MID1: variants seen among roughly 807,000 people sequenced by gnomAD.
MID1 encodes E3 ubiquitin-protein ligase Midline-1.
A neutral mutation model predicts 40.4 loss-of-function variants in MID1; 7 were observed. The observed-to-expected ratio is 0.17, with a 90% CI of 0.10 to 0.33. The LOEUF is 0.33. Among genes scored for constraint, MID1 ranks in the 10% least tolerant of loss-of-function variants. The pLI is 1.00. For synonymous variants in MID1, 229 were observed against 221.2 expected, an observed-to-expected ratio of 1.04 and a Z score of -0.31; for missense variants, 367 against 558.5, an observed-to-expected ratio of 0.66 and a Z score of 3.46.
chrX:10,687,140 C>T (rs2043104145), intron 1 of MID1, among the ~76,000 whole-genome samples: 3 of 111,915 alleles, frequency 2.7e-5, no homozygotes, highest in Admixed American at 9.5e-5. Context: ...TACATATTCT[C>T]TGCCCTGACC....
chrX:10,577,852 G>A (rs6530405), intron 1 of MID1, among the ~76,000 whole-genome samples: 1,340 of 108,168 alleles, frequency 0.012, 26 homozygotes, highest in African/African-American at 0.042. Flanking sequence ...AAAGTCCTGC[G>A]CTGCAGTTCT....
intron 6 of MID1, 43 bp from the exon 7 acceptor site, chrX:10,469,883 A>G (rs1294115134): frequency 8.7e-7 from 1 of 1,149,956 alleles, no homozygotes; most frequent in East Asian, 3.0e-5. Flanking sequence ...AGCACACACA[A>G]CTGGGATACC....
chrX:10,585,019 G>A (rs971821548), intron 1 of MID1, among the ~76,000 whole-genome samples: 9 of 110,750 alleles, frequency 8.1e-5, no homozygotes, highest in African/African-American at 2.0e-4. Context: ...TTCATGCACC[G>A]GTGGTTAGAG....
At chrX:10,690,882 T>A in intron 1 of MID1, among the ~76,000 whole-genome samples, 1 of 112,358 alleles carries the variant, frequency 8.9e-6, no homozygotes, top group East Asian at 2.8e-4. Context: ...TATTCTGAGA[T>A]TGTACCAGTT....
intron 4 of MID1, among the ~76,000 whole-genome samples, chrX:10,490,972 T>G (rs1160687787): frequency 8.9e-6 from 1 of 112,205 alleles, no homozygotes; most frequent in African/African-American, 3.2e-5. Context: ...TTTAAAAAAG[T>G]CTCTACTGTA....
intron 1 of MID1, among the ~76,000 whole-genome samples, chrX:10,723,914 G>T (rs1308928431): frequency 8.9e-6 from 1 of 112,495 alleles, no homozygotes; most frequent in Admixed American, 9.4e-5. Flanking sequence ...GTAACTTAAA[G>T]TAGCTAAAAA....
Position 10,471,452 on chromosome X carries a change from C to T in MID1, c.1142-1612G>A, listed in dbSNP as rs781214388. 7.1e-5 allele frequency among the ~76,000 whole-genome samples: 8 copies of T among 112,226 alleles called. No individual in the cohort carries two copies. In the South Asian group the frequency reaches 1.9e-3, roughly 26 times the overall value. ...CAGAAACATTGTTGAGCACCTCCAACGTGACAGGCATGGCATTAAATTGTG... is the reference window on the plus strand; with the variant it reads ...CAGAAACATTGTTGAGCACCTCCAATGTGACAGGCATGGCATTAAATTGTG... On this transcript the variant is annotated intron_variant, in intron 6 of 9. Transcript: ENST00000317552.
chrX:10,647,246 C>A (rs948270720), intron 1 of MID1, among the ~76,000 whole-genome samples: 15 of 111,816 alleles, frequency 1.3e-4, no homozygotes, highest in African/African-American at 4.2e-4. Context: ...GAAATCAGAT[C>A]TATGTCTTCC....
intron 1 of MID1, among the ~76,000 whole-genome samples, chrX:10,744,184 G>A (rs2043544328): frequency 1.8e-5 from 2 of 111,570 alleles, no homozygotes; most frequent in African/African-American, 6.5e-5. Context: ...CACTGCTGTG[G>A]GTAAAATGAA....
At position 10,683,770 on chromosome X, in the gene MID1, C is replaced by CTTTT. The variant is rs34917176; in HGVS notation, c.-186-63355_-186-63352dup. 4.6e-3 allele frequency among the ~76,000 whole-genome samples: 209 copies of CTTTT among 45,091 alleles called. 35 individuals carry two copies. The highest frequency in any genetic ancestry group is 0.013 in the African/African-American group (120 of 9,254). The allele number at this position is 45,091 out of a possible 115,157, so 39.2% of individuals were successfully genotyped here. On this transcript the variant is annotated intron_variant, in intron 1 of 10. Transcript: ENST00000380785. ...CTGCACAGAAGGAATTGCACGTCAT[C>CTTTT]TTTTTTTTTTTTTTTTTTTTTTTTT...
intron 1 of MID1, among the ~76,000 whole-genome samples, chrX:10,605,787 G>A (rs1935614176): frequency 1.8e-5 from 2 of 111,614 alleles, no homozygotes; most frequent in African/African-American, 6.5e-5. Flanking sequence ...ATACTTCCAA[G>A]AGGCTTTGCT....
At chrX:10,617,481 G>A (rs10521612) in intron 1 of MID1, among the ~76,000 whole-genome samples, 5,151 of 112,225 alleles carry the variant, frequency 0.046, 199 homozygotes, top group African/African-American at 0.12. Flanking sequence ...GAATTTAGCA[G>A]CTACGTGACT....
chrX:10,507,610 G>A, intron 3 of MID1, among the ~76,000 whole-genome samples: 1 of 112,565 alleles, frequency 8.9e-6, no homozygotes, highest in East Asian at 2.8e-4. Flanking sequence ...TGTTGGCATT[G>A]TCTGCATGGG....
Position 10,523,193 on chromosome X carries a change from CAA to C in MID1, c.661-8_661-7del, listed in dbSNP as rs375668839. 16,266 of 711,540 alleles carry C rather than the reference CAA, an allele frequency of 0.023. No individual in the cohort carries two copies. The highest frequency in any genetic ancestry group is 0.025 in the Non-Finnish European group (13,410 of 529,569). The allele number at this position is 711,540 out of a possible 1,213,427, so 58.6% of individuals were successfully genotyped here. A position where few individuals can be genotyped will look rare whatever the true frequency, so the allele number is the denominator to read the frequency against. On this transcript the variant is annotated splice_region_variant and splice_polypyrimidine_tract_variant and intron_variant, in intron 2 of 9. Coordinates refer to ENST00000317552, the MANE Select transcript of MID1 (RefSeq NM_000381.4). ...AGGTTACTCTCTAAGTTTTGCTGTT[CAA>C]AAAAAAAAAAAAAAGAGGAAAAATA...
chrX:10,567,834 A>AT (rs111606462), intron 1 of MID1, among the ~76,000 whole-genome samples: 16 of 108,913 alleles, frequency 1.5e-4, no homozygotes, highest in Middle Eastern at 4.8e-3. Context: ...AAAATGTGCA[A>AT]TTTTTTTTTT....
chrX:10,599,749 G>C (rs1022821948), intron 1 of MID1, among the ~76,000 whole-genome samples: 6 of 112,360 alleles, frequency 5.3e-5, no homozygotes, highest in African/African-American at 1.9e-4. Flanking sequence ...GAGAAGAATT[G>C]AGGTGGTTGT....
chrX:10,684,448 G>C (rs1396581191), intron 1 of MID1, among the ~76,000 whole-genome samples: 2 of 98,994 alleles, frequency 2.0e-5, no homozygotes, highest in African/African-American at 3.9e-5. Flanking sequence ...CTGTCACCCA[G>C]GCTGGAGTGC....
chrX:10,523,069 T>C, intron 3 of MID1, 23 bp downstream of exon 3: 1 of 1,080,173 alleles, frequency 9.3e-7, no homozygotes. Context: ...AAACATACCA[T>C]ACAGAAATAC....
chrX:10,749,387 G>A (rs1273179825), intron 1 of MID1, among the ~76,000 whole-genome samples: 2 of 111,751 alleles, frequency 1.8e-5, no homozygotes, highest in Non-Finnish European at 1.9e-5. Flanking sequence ...CCACCCTGCT[G>A]AGTCAGAGCA....
Sources: gnomAD v4.1 joint callset for allele counts (sites outside exome capture counted in the v4.1 genomes callset) on GRCh38, gnomAD v4.1.1 for gene constraint, MANE v1.5 for transcripts, NCBI Gene and HGNC (gene_info 2026-07-23, HGNC 2026-07-21) for gene names.